Variants in HOMER2 observed in about 807,000 individuals in gnomAD.
HOMER2 encodes homer protein homolog 2.
In HOMER2, 27 loss-of-function variants were observed where a neutral mutation model predicts 47.0. The ratio of observed to expected loss-of-function variants is 0.57; its 90% confidence interval spans 0.42 to 0.79. The LOEUF (loss-of-function observed/expected upper bound fraction) is 0.79, where lower values mean the gene tolerates loss of function less well. HOMER2 is among the 30% of genes least tolerant of loss of function. The pLI, the probability that HOMER2 is intolerant of heterozygous loss-of-function variation, is 0.00. For synonymous variants in HOMER2, 161 were observed against 163.8 expected, an observed-to-expected ratio of 0.98 and a Z score of 0.13; for missense variants, 443 against 435.0, an observed-to-expected ratio of 1.02 and a Z score of -0.16.
intron 1 of HOMER2, among the ~76,000 whole-genome samples, chr15:82,945,285 A>G (rs2054351586): frequency 6.6e-6 from 1 of 152,198 alleles, no homozygotes; most frequent in Admixed American, 6.5e-5. Flanking sequence ...ACAAAGATGT[A>G]TAAGATTTAG....
intron 1 of HOMER2, among the ~76,000 whole-genome samples, chr15:82,928,959 A>AAAAAAAAAAAAAAAAAAAAAAAAC (rs1173356706): frequency 1.3e-5 from 2 of 148,964 alleles, no homozygotes; most frequent in African/African-American, 5.0e-5. Context: ...AAAAAAAAAA[A>AAAAAAAAAAAAAAAAAAAAAAAAC]AGCTGTCATG....
At chr15:82,876,691 T>G (rs1459994869) in intron 2 of HOMER2, among the ~76,000 whole-genome samples, 1 of 152,206 alleles carries the variant, frequency 6.6e-6, no homozygotes, top group South Asian at 2.1e-4. Context: ...ACCAGCAATT[T>G]TACTTACTAA....
At chr15:82,983,282 C>T (rs897738239) in intron 1 of HOMER2, among the ~76,000 whole-genome samples, 6 of 152,190 alleles carry the variant, frequency 3.9e-5, no homozygotes, top group African/African-American at 1.4e-4. Flanking sequence ...TAAAGTACAA[C>T]AATCGTTAAG....
chr15:82,861,518 CCTT>C (rs2051788589), intron 4 of HOMER2, among the ~76,000 whole-genome samples: 1 of 152,106 alleles, frequency 6.6e-6, no homozygotes, highest in Admixed American at 6.5e-5. Context: ...ATTTTTATTT[CCTT>C]CTTTATAGTA....
chr15:82,984,187 C>T (rs2030505220), intron 1 of HOMER2, among the ~76,000 whole-genome samples: 2 of 152,040 alleles, frequency 1.3e-5, no homozygotes, highest in Admixed American at 1.3e-4. Flanking sequence ...CGCCGGCCAC[C>T]ACGCCCAGCT....
chr15:82,962,226 C>T (rs2054636492), intron 1 of HOMER2, among the ~76,000 whole-genome samples: 1 of 151,828 alleles, frequency 6.6e-6, no homozygotes, highest in African/African-American at 2.4e-5. Context: ...AAAAATTAGC[C>T]GGGTGCAGTG....
In HOMER2 at chr15:82,913,729, G is replaced by A. The variant is rs1206066912; in HGVS notation, c.6-20888C>T. Among the ~76,000 whole-genome samples the A allele has an allele frequency of 2.6e-5, 4 of 152,270 alleles. No homozygotes were observed. Among genetic ancestry groups the A allele is most frequent in the South Asian group, 2.1e-4 (1 of 4,826 alleles). ...GACCCTTCCTCCAGAATCCCCCACT[G>A]CCAGTCCCTCATCCTGGCTCCCTGG... On this transcript the variant is annotated intron_variant, in intron 1 of 8. Coordinates refer to ENST00000450735, the MANE Select transcript of HOMER2 (RefSeq NM_004839.4). The surrounding 1 kb of genome is among the most constrained non-coding windows in gnomAD (Gnocchi z 4.1).
At chr15:82,896,073 G>A (rs1037121080) in intron 1 of HOMER2, among the ~76,000 whole-genome samples, 1 of 152,162 alleles carries the variant, frequency 6.6e-6, no homozygotes, top group Admixed American at 6.5e-5. Flanking sequence ...TCCCACAGCT[G>A]TAGAGGGGGC....
At chr15:82,868,095 A>T (rs1412465758) in intron 3 of HOMER2, among the ~76,000 whole-genome samples, 3 of 151,974 alleles carry the variant, frequency 2.0e-5, no homozygotes, top group Non-Finnish European at 2.9e-5. Flanking sequence ...AGAAAAAAAT[A>T]TTTTTTTCAT....
chr15:82,943,318 C>T (rs1277858211), intron 1 of HOMER2, among the ~76,000 whole-genome samples: 1 of 152,180 alleles, frequency 6.6e-6, no homozygotes, highest in Non-Finnish European at 1.5e-5. Context: ...AACCAGCCTT[C>T]CCAGCTCCCA....
chr15:82,969,552 G>A (rs1348438246), intron 1 of HOMER2, among the ~76,000 whole-genome samples: 2 of 152,098 alleles, frequency 1.3e-5, no homozygotes, highest in Non-Finnish European at 2.9e-5. Context: ...GCCTTTGTGG[G>A]TAGGTTCACA....
intron 3 of HOMER2, among the ~76,000 whole-genome samples, chr15:82,866,658 G>A (rs2051977673): frequency 6.6e-6 from 1 of 152,152 alleles, no homozygotes; most frequent in African/African-American, 2.4e-5. Flanking sequence ...TGAATCATCG[G>A]GGCGGGTCTC....
At position 82,864,217 on chromosome 15, in the gene HOMER2, C is replaced by T. The variant is rs1344785374; in HGVS notation, c.337G>A (p.Ala113Thr). ...ATTTTCTCCTGCGTCTTGTCTTTGGCTATCTTGGCAGCTTCTTTCACCTCC... is the reference window on the plus strand; with the variant it reads ...ATTTTCTCCTGCGTCTTGTCTTTGGTTATCTTGGCAGCTTCTTTCACCTCC... Reference protein sequence around the residue: ...FQEVKEAAKIAKDKTQEKIET... With the variant: ...FQEVKEAAKITKDKTQEKIET... Residue 113 changes from alanine to threonine, a missense_variant, in exon 4 of 9, where the codon GCC becomes ACC. Coordinates refer to ENST00000450735, the MANE Select transcript of HOMER2 (RefSeq NM_004839.4). 2 of 1,612,492 alleles carry T rather than the reference C, an allele frequency of 1.2e-6. No individual in the cohort carries two copies. The highest frequency in any genetic ancestry group is 8.5e-7 in the Non-Finnish European group (1 of 1,179,238).
In HOMER2 at chr15:82,985,388, G is replaced by A. The variant is rs566461140; in HGVS notation, n.82+399C>T. 3.9e-5 allele frequency among the ~76,000 whole-genome samples: 6 copies of A among 152,280 alleles called. No individual in the cohort carries two copies. In the East Asian group the frequency reaches 9.7e-4, roughly 25 times the overall value. The stretch of plus-strand genomic sequence containing the variant: ...GTGATGCTAGAGGCAGGACATCAAT[G>A]AGAAAGGTACTGCACTGACACCGTG... On this transcript the variant is annotated intron_variant and non_coding_transcript_variant, in intron 1 of 1. Coordinates refer to the HOMER2 transcript ENST00000500334.
chr15:82,971,280 C>T (rs2029977467), intron 1 of HOMER2, among the ~76,000 whole-genome samples: 1 of 152,102 alleles, frequency 6.6e-6, no homozygotes, highest in Non-Finnish European at 1.5e-5. Context: ...GTGCTCCTTC[C>T]TGTAGTCCTA....
intron 1 of HOMER2, among the ~76,000 whole-genome samples, chr15:82,964,906 G>A (rs1347621387): frequency 3.3e-5 from 5 of 152,206 alleles, no homozygotes; most frequent in Non-Finnish European, 7.3e-5. Flanking sequence ...GTGCTCCATA[G>A]GTTTGGGAAA....
At chr15:82,890,077 G>T (rs1311115379) in intron 2 of HOMER2, among the ~76,000 whole-genome samples, 4 of 152,170 alleles carry the variant, frequency 2.6e-5, no homozygotes, top group Admixed American at 2.6e-4. Flanking sequence ...GGGCGCGTTG[G>T]CTCACACCTG....
chr15:82,953,752 A>G (rs922909008), upstream of HOMER2, among the ~76,000 whole-genome samples: 7 of 152,192 alleles, frequency 4.6e-5, no homozygotes, highest in Non-Finnish European at 8.8e-5. Context: ...GCGTGGAGAC[A>G]GGCGCCTGTA....
intron 2 of HOMER2, among the ~76,000 whole-genome samples, chr15:82,892,413 C>A (rs1037690169): frequency 1.3e-5 from 2 of 152,142 alleles, no homozygotes; most frequent in Non-Finnish European, 2.9e-5. Context: ...ACATTGGAAG[C>A]CACTTAAATA....
Sources: allele counts gnomAD v4.1 joint callset (sites outside exome capture counted in the v4.1 genomes callset), GRCh38; gene constraint gnomAD v4.1.1; non-coding constraint Gnocchi (gnomAD v3.1); transcripts MANE v1.5; gene names NCBI Gene and HGNC (gene_info 2026-07-23, HGNC 2026-07-21).